Variants in KIF5B observed in about 807,000 individuals in gnomAD.
The protein encoded by KIF5B is kinesin family member 5B, also known as kinesin-1 heavy chain.
A neutral mutation model predicts 132.8 loss-of-function variants in KIF5B; 49 were observed. The ratio of observed to expected loss-of-function variants is 0.37; its 90% CI spans 0.29 to 0.47. KIF5B has a LOEUF of 0.47. Among genes scored for constraint, KIF5B ranks in the 20% least tolerant of loss-of-function variants. The pLI is 1.00. For missense variants in KIF5B, 780 were observed against 1,144.0 expected, an observed-to-expected ratio of 0.68 and a Z score of 4.59; for synonymous variants, 355 against 369.4, an observed-to-expected ratio of 0.96 and a Z score of 0.45.
chr10:32,032,431 G>A (rs1841414013), intron 13 of KIF5B, among the ~76,000 whole-genome samples: 3 of 152,018 alleles, frequency 2.0e-5, no homozygotes, highest in African/African-American at 7.3e-5. Flanking sequence ...CCCCTGCTCT[G>A]CTGGGTGAGA....
chr10:32,051,439 A>G (rs1002107893), intron 1 of KIF5B, among the ~76,000 whole-genome samples: 1 of 152,196 alleles, frequency 6.6e-6, no homozygotes, highest in Non-Finnish European at 1.5e-5. Context: ...ACAGCTTCAT[A>G]ATAGTAAACA....
At chr10:32,035,331 T>A (rs1451665172) in intron 10 of KIF5B, among the ~76,000 whole-genome samples, 191 bp downstream of exon 10, 1 of 152,222 alleles carries the variant, frequency 6.6e-6, no homozygotes, top group African/African-American at 2.4e-5. Flanking sequence ...CATCTGACTT[T>A]AATGTGTACT....
intron 2 of KIF5B, among the ~76,000 whole-genome samples, chr10:32,045,741 A>G (rs1841599487): frequency 6.6e-6 from 1 of 152,328 alleles, no homozygotes; most frequent in African/African-American, 2.4e-5. Context: ...TGGTTATTCA[A>G]CTGGTACTTT....
At chr10:32,047,337 T>C (rs1841625157) in intron 2 of KIF5B, among the ~76,000 whole-genome samples, 1 of 152,146 alleles carries the variant, frequency 6.6e-6, no homozygotes, top group Non-Finnish European at 1.5e-5. Flanking sequence ...TTAGATCCCA[T>C]GGTCCACCAT....
In KIF5B at chr10:32,022,276, T is replaced by C. The variant is rs1164978347; in HGVS notation, c.1915-19A>G. 8.1e-7 allele frequency: 1 copy of C among 1,230,746 alleles called. No homozygotes were observed. The allele number at this position is 1,230,746 out of a possible 1,614,324, so 76.2% of individuals were successfully genotyped here. A position where few individuals can be genotyped will look rare whatever the true frequency, so the allele number is the denominator to read the frequency against. On this transcript the variant is annotated intron_variant, in intron 16 of 25. Coordinates refer to ENST00000302418, the MANE Select transcript of KIF5B (RefSeq NM_004521.3). ...CTTCATGCTTTTGGAAAAAATATAC[T>C]GATATGAAGTGGAAAACATATGCAT... is the stretch of plus-strand genomic sequence containing the variant.
At chr10:32,052,670 C>G (rs1474045948) in intron 1 of KIF5B, among the ~76,000 whole-genome samples, 2 of 152,130 alleles carry the variant, frequency 1.3e-5, no homozygotes, top group South Asian at 4.1e-4. Flanking sequence ...ATTTCAAAGA[C>G]ATAAACTGTT....
intron 2 of KIF5B, among the ~76,000 whole-genome samples, chr10:32,046,154 G>C (rs1291650036): frequency 6.6e-6 from 1 of 152,054 alleles, no homozygotes; most frequent in Non-Finnish European, 1.5e-5. Flanking sequence ...GTATGGAATG[G>C]GGCTTAAAGC....
intron 2 of KIF5B, among the ~76,000 whole-genome samples, chr10:32,046,165 TGGCG>T (rs1841606530): frequency 6.6e-6 from 1 of 152,142 alleles, no homozygotes; most frequent in African/African-American, 2.4e-5. Flanking sequence ...GGCTTAAAGC[TGGCG>T]GCAAGAGATA....
At chr10:32,029,319 G>A (rs1841370858) in intron 14 of KIF5B, among the ~76,000 whole-genome samples, 1 of 152,192 alleles carries the variant, frequency 6.6e-6, no homozygotes, top group Admixed American at 6.5e-5. Context: ...TTGCCAATTA[G>A]AAATGCTCAA....
chr10:32,011,856 C>A (rs1232152597), intron 25 of KIF5B, among the ~76,000 whole-genome samples: 1 of 151,806 alleles, frequency 6.6e-6, no homozygotes, highest in Non-Finnish European at 1.5e-5. Flanking sequence ...TTTTAACCAG[C>A]AGACAGTGGT....
intron 23 of KIF5B, 60 bp from the exon 24 acceptor site, chr10:32,017,419 G>A: frequency 7.7e-7 from 1 of 1,307,068 alleles, no homozygotes; most frequent in Non-Finnish European, 1.1e-6. Flanking sequence ...GAAAAAGTAT[G>A]AGCATTTCAT....
chr10:32,020,103 G>A, intron 19 of KIF5B, 144 bp from the exon 20 acceptor site: 3 of 560,986 alleles, frequency 5.3e-6, no homozygotes, highest in Non-Finnish European at 9.3e-6. Context: ...AAGAGGAAAG[G>A]GACCTGGCTA....
intron 15 of KIF5B, among the ~76,000 whole-genome samples, chr10:32,026,872 GTTC>G (rs1460934594): frequency 6.6e-6 from 1 of 152,170 alleles, no homozygotes; most frequent in Admixed American, 6.5e-5. Flanking sequence ...GGGCCGAAAT[GTTC>G]AGACTGATGG....
chr10:32,048,100 T>C (rs1841637739), intron 2 of KIF5B, among the ~76,000 whole-genome samples: 1 of 152,232 alleles, frequency 6.6e-6, no homozygotes, highest in African/African-American at 2.4e-5. Flanking sequence ...ACTGCCATTT[T>C]CCACTACTTT....
At chr10:32,029,915 G>T (rs1038691317) in intron 14 of KIF5B, among the ~76,000 whole-genome samples, 1 of 152,170 alleles carries the variant, frequency 6.6e-6, no homozygotes, top group African/African-American at 2.4e-5. Context: ...CAAGCTAACT[G>T]TAACTTTGTA....
intron 4 of KIF5B, 129 bp from the exon 5 acceptor site, chr10:32,038,955 T>G (rs1042481303): frequency 2.9e-5 from 19 of 645,592 alleles, no homozygotes; most frequent in Non-Finnish European, 5.2e-5. Context: ...TAGCTCACAT[T>G]CTAATGGGAA....
rs1460303361 is a variant in KIF5B, at chr10:32,022,972, A to G, written c.1790T>C (p.Met597Thr). 1 of 1,613,348 alleles carries G rather than the reference A, an allele frequency of 6.2e-7. No homozygotes were observed. Among genetic ancestry groups the G allele is most frequent in the African/African-American group, 1.3e-5 (1 of 74,992 alleles). The change falls in exon 16 of 26, where the codon ATG (methionine) becomes ACG (threonine). Residue 597 changes from methionine to threonine, a missense_variant. This residue lies in a region of KIF5B where 471 missense variants were observed against 569.9 expected (regional missense o/e 0.83). Coordinates refer to ENST00000302418, the MANE Select transcript of KIF5B (RefSeq NM_004521.3). ...FTVARLYISK[M>T]KSEVKTMVKR... ...CACCATGGTTTTTACTTCTGACTTCATTTTGCTAATGTAGAGTCTTGCAAC... is the reference window on the plus strand; with the variant it reads ...CACCATGGTTTTTACTTCTGACTTCGTTTTGCTAATGTAGAGTCTTGCAAC...
In KIF5B at chr10:32,011,047, T is replaced by C. The variant is rs1841071776; in HGVS notation, c.*490A>G. The C allele has an allele frequency of 6.6e-6, 1 of 152,008 alleles. No homozygotes were observed. Among genetic ancestry groups the C allele is most frequent in the South Asian group, 2.1e-4 (1 of 4,832 alleles). 9.4% of individuals were successfully genotyped at this position (152,008 alleles called of 1,614,324 possible). On this transcript the variant is annotated 3_prime_UTR_variant, in exon 26 of 26. Coordinates refer to ENST00000302418, the MANE Select transcript of KIF5B (RefSeq NM_004521.3). The stretch of plus-strand genomic sequence containing the variant: ...ATGGGCATGTAGTGTTGTTAAGTGG[T>C]AAAATTTAAAGACATTTAACCTAAA...
chr10:32,037,542 G>A lies in KIF5B; in HGVS notation c.564C>T (p.Ser188=). 3.1e-6 allele frequency: 5 copies of A among 1,612,532 alleles called. No homozygotes were observed. Among genetic ancestry groups the A allele is most frequent in the Non-Finnish European group, 4.2e-6 (5 of 1,178,580 alleles). ...EVMDTIDEGK[S]NRHVAVTNMN... Reference sequence around the variant, plus strand: ...TACTTGTAACTGCTACATGTCTGTTGGATTTTCCTTCATCTATGGTATCCA... The same window carrying A: ...TACTTGTAACTGCTACATGTCTGTTAGATTTTCCTTCATCTATGGTATCCA... Residue 188 remains serine (S), a synonymous_variant, in exon 7 of 26, where the codon TCC becomes TCT. Coordinates refer to ENST00000302418, the MANE Select transcript of KIF5B (RefSeq NM_004521.3).
Sources: gnomAD v4.1 joint callset for allele counts (sites outside exome capture counted in the v4.1 genomes callset) on GRCh38, gnomAD v4.1.1 for gene constraint, gnomAD v4.1.1 regional missense constraint, MANE v1.5 for transcripts, NCBI Gene and HGNC (gene_info 2026-07-23, HGNC 2026-07-21) for gene names.